The following BCL11B variants were observed in gnomAD, a reference collection of about 807,000 sequenced individuals.
BCL11B encodes the protein BCL11 transcription factor B, also known as B-cell lymphoma/leukemia 11B.
A neutral mutation model predicts 49.9 loss-of-function variants in BCL11B; 8 were observed. That is an observed-to-expected ratio of 0.16 (90% CI 0.09 to 0.29). The LOEUF (loss-of-function observed/expected upper bound fraction) is 0.29, where lower values mean the gene tolerates loss of function less well. Ranked by LOEUF, BCL11B falls within the 10% of genes least tolerant of loss-of-function variation. BCL11B has a pLI of 1.00. For missense variants in BCL11B, 1,006 were observed against 1,351.0 expected (o/e 0.74, Z 4.00); for synonymous variants, 739 against 637.4 (o/e 1.16, Z -2.40).
chr14:99,203,907 C>G (rs1887459140), intron 3 of BCL11B, among the ~76,000 whole-genome samples: 1 of 143,368 alleles, frequency 7.0e-6, no homozygotes, highest in South Asian at 2.1e-4. Flanking sequence ...CCCCAAGCGC[C>G]CCTGAACCCC....
rs1887736639 is a variant in BCL11B, at chr14:99,213,223, A to G, written c.640+18122T>C. On this transcript the variant is annotated intron_variant, in intron 3 of 3. Coordinates refer to ENST00000357195, the MANE Select transcript of BCL11B (RefSeq NM_138576.4). This position sits in a 1 kb window ranked among gnomAD's most constrained non-coding sequence, Gnocchi z 5.1. ...GGCTCTCGATGAGCCCCTGGAATGA[A>G]GAAGGGAGCCCCGGAGGCTCGGCCG... Among the ~76,000 whole-genome samples the G allele has an allele frequency of 6.6e-6, 1 of 152,202 alleles. No homozygotes were observed. Among genetic ancestry groups the G allele is most frequent in the Non-Finnish European group, 1.5e-5 (1 of 68,040 alleles).
At chr14:99,191,563 T>C (rs998657477) in intron 3 of BCL11B, among the ~76,000 whole-genome samples, 2 of 152,144 alleles carry the variant, frequency 1.3e-5, no homozygotes, top group East Asian at 1.9e-4. Context: ...GTCAATTTCA[T>C]CATTGTAGAA....
chr14:99,243,100 G>GA (rs1343550570), intron 2 of BCL11B, among the ~76,000 whole-genome samples: 5 of 151,970 alleles, frequency 3.3e-5, no homozygotes, highest in Non-Finnish European at 5.9e-5. Flanking sequence ...CAAATATCAG[G>GA]AAAAAATACC....
At position 99,174,967 on chromosome 14, in the gene BCL11B, G is replaced by T. The variant is rs1256527125; in HGVS notation, c.1869C>A (p.Phe623Leu). Residue 623 changes from phenylalanine (F) to leucine (L), a missense_variant, in exon 4 of 4, where the codon TTC becomes TTA. By Grantham distance (22) the Phe-to-Leu change is conservative. This residue lies in a region of BCL11B where 443 missense variants were observed against 499.7 expected (regional missense o/e 0.89). Coordinates refer to ENST00000357195, the MANE Select transcript of BCL11B (RefSeq NM_138576.4). ...CCCCGCCGCCCGCCGCACGCTTCAG[G>T]AAGGCGCCGCGCTTCTGCTTGTCGG... The part of the protein sequence containing the change: ...LLADKQKRGA[F>L]LKRAAGGGDA... 4 of 1,548,520 alleles carry T rather than the reference G, an allele frequency of 2.6e-6. No homozygotes were observed. Among genetic ancestry groups the T allele is most frequent in the African/African-American group, 1.4e-5 (1 of 70,588 alleles).
chr14:99,269,519 C>CA (rs1159344680), intron 1 of BCL11B, among the ~76,000 whole-genome samples: 1 of 130,620 alleles, frequency 7.7e-6, no homozygotes, highest in Non-Finnish European at 1.8e-5. Context: ...TTCTATTCCC[C>CA]CCCCCCCAAA....
chr14:99,202,289 G>A (rs1241969147), intron 3 of BCL11B, among the ~76,000 whole-genome samples: 1 of 152,166 alleles, frequency 6.6e-6, no homozygotes, highest in Non-Finnish European at 1.5e-5. Flanking sequence ...GCCAGCCACT[G>A]GCCTCTTTAT....
At chr14:99,249,944 A>G (rs1033094216) in intron 2 of BCL11B, among the ~76,000 whole-genome samples, 1 of 151,944 alleles carries the variant, frequency 6.6e-6, no homozygotes, top group Non-Finnish European at 1.5e-5. Context: ...CCTGGCCAAC[A>G]TGGCAAAACC....
At chr14:99,233,496 A>G (rs1888397783) in intron 2 of BCL11B, among the ~76,000 whole-genome samples, 1 of 152,194 alleles carries the variant, frequency 6.6e-6, no homozygotes, top group Non-Finnish European at 1.5e-5. Context: ...TGGAAGCTGC[A>G]AAGGCCAAAC....
At chr14:99,237,029 T>C (rs1420665203) in intron 2 of BCL11B, among the ~76,000 whole-genome samples, 1 of 151,122 alleles carries the variant, frequency 6.6e-6, no homozygotes, top group African/African-American at 2.4e-5. Flanking sequence ...CCTTCTCTCA[T>C]CATTTGTCTT....
At chr14:99,182,341 G>A (rs1266791220) in intron 3 of BCL11B, among the ~76,000 whole-genome samples, 2 of 152,198 alleles carry the variant, frequency 1.3e-5, no homozygotes, top group Non-Finnish European at 2.9e-5. Context: ...GGATCCGCCT[G>A]GGGCTGCACA....
chr14:99,178,791 C>T (rs892944090), intron 3 of BCL11B, among the ~76,000 whole-genome samples: 3 of 152,330 alleles, frequency 2.0e-5, no homozygotes, highest in Non-Finnish European at 4.4e-5. Flanking sequence ...AATTAAAGAT[C>T]GTTCCTGTAC....
Position 99,271,329 on chromosome 14 carries a change from C to CGCT in BCL11B, c.-112_-111insAGC. ...CTGCCGCCGCTGCCGCCGCCGCCGCCGCCGCCGCACCTCCTCCTCTGCCCG... is the reference window on the plus strand; with the variant it reads ...CTGCCGCCGCTGCCGCCGCCGCCGCCGCTGCCGCCGCACCTCCTCCTCTGCCCG... On this transcript the variant is annotated 5_prime_UTR_variant, in exon 1 of 4. Transcript: ENST00000357195. 1.3e-6 allele frequency: 1 copy of CGCT among 748,070 alleles called. No homozygotes were observed. The allele number at this position is 748,070 out of a possible 1,614,324, so 46.3% of individuals were successfully genotyped here. A position where few individuals can be genotyped will look rare whatever the true frequency, so the allele number is the denominator to read the frequency against.
intron 3 of BCL11B, among the ~76,000 whole-genome samples, chr14:99,179,202 G>A (rs559926050): frequency 5.3e-5 from 8 of 152,230 alleles, no homozygotes; most frequent in Admixed American, 1.3e-4. Flanking sequence ...GGCTGGGCAC[G>A]GTGGCTCACG....
At chr14:99,202,033 T>C (rs193159762) in intron 3 of BCL11B, among the ~76,000 whole-genome samples, 7 of 152,246 alleles carry the variant, frequency 4.6e-5, no homozygotes, top group Non-Finnish European at 8.8e-5. Flanking sequence ...CAGGCTGGAG[T>C]ACAGTGGCTC....
intron 2 of BCL11B, among the ~76,000 whole-genome samples, chr14:99,236,426 C>T (rs764871773): frequency 2.0e-4 from 31 of 152,122 alleles, no homozygotes; most frequent in African/African-American, 7.2e-4. Flanking sequence ...CCCACCCCAA[C>T]GGGAAATTAG....
At chr14:99,230,800 G>A (rs939561393) in intron 3 of BCL11B, among the ~76,000 whole-genome samples, 14 of 150,450 alleles carry the variant, frequency 9.3e-5, no homozygotes, top group African/African-American at 3.4e-4. Flanking sequence ...ACACCTCACA[G>A]TGTTTCACTC....
intron 3 of BCL11B, among the ~76,000 whole-genome samples, chr14:99,186,182 G>A (rs1159904257): frequency 6.6e-6 from 1 of 152,190 alleles, no homozygotes; most frequent in Non-Finnish European, 1.5e-5. Context: ...CGGGGGACCA[G>A]GAAAGATTCT....
Position 99,175,881 on chromosome 14 carries a change from G to T in BCL11B, c.955C>A (p.Pro319Thr), listed in dbSNP as rs1439916653. Residue 319 changes from proline to threonine, a missense_variant, in exon 4 of 4, where the codon CCC (proline) becomes ACC (threonine). Coordinates refer to ENST00000357195, the MANE Select transcript of BCL11B (RefSeq NM_138576.4). The stretch of plus-strand genomic sequence containing the variant: ...GGGTCCAGGTGGTGGCGCGGCGGGG[G>T]ACTGAAGAGAGGCGGCGTGCCCGGC... ...RLPGTPPLFS[P>T]PPRHHLDPHR... 1 of 1,470,856 alleles carries T rather than the reference G, an allele frequency of 6.8e-7. No individual in the cohort carries two copies. Among genetic ancestry groups the T allele is most frequent in the Non-Finnish European group, 9.0e-7 (1 of 1,115,662 alleles). 91.1% of individuals were successfully genotyped at this position (1,470,856 alleles called of 1,614,324 possible).
Position 99,171,162 on chromosome 14 carries a change from G to C in BCL11B, c.*2989C>G. On this transcript the variant is annotated 3_prime_UTR_variant, in exon 4 of 4. Coordinates refer to ENST00000357195, the MANE Select transcript of BCL11B (RefSeq NM_138576.4). ...TGTGGCCACACCAAGGAGCCTTGAT[G>C]CAAGGTTCGGGGCGTTCAGAGAGAA... 4.4e-6 allele frequency: 1 copy of C among 228,608 alleles called. No homozygotes were observed. Among genetic ancestry groups the C allele is most frequent in the Non-Finnish European group, 8.7e-6 (1 of 114,936 alleles). 14.2% of individuals were successfully genotyped at this position (228,608 alleles called of 1,614,324 possible). A position where few individuals can be genotyped will look rare whatever the true frequency, so the allele number is the denominator to read the frequency against.
Sources: gnomAD v4.1 joint callset for allele counts (sites outside exome capture counted in the v4.1 genomes callset) on GRCh38, gnomAD v4.1.1 for gene constraint, gnomAD v4.1.1 regional missense constraint, Gnocchi (gnomAD v3.1) non-coding constraint, MANE v1.5 for transcripts, NCBI Gene and HGNC (gene_info 2026-07-23, HGNC 2026-07-21) for gene names.